Variants in RAP1GDS1 observed in about 807,000 individuals in gnomAD.
RAP1GDS1 encodes RAP1, GTP-GDP dissociation stimulator 1.
A neutral mutation model predicts 71.1 loss-of-function variants in RAP1GDS1; 35 were observed. That is an observed-to-expected ratio of 0.49 (90% CI 0.38 to 0.65). The LOEUF (loss-of-function observed/expected upper bound fraction) is 0.65. Ranked by LOEUF, RAP1GDS1 falls within the 30% of genes least tolerant of loss-of-function variation. RAP1GDS1 has a pLI of 0.00. For missense variants in RAP1GDS1, 663 were observed against 706.1 expected, an observed-to-expected ratio of 0.94 and a Z score of 0.69; for synonymous variants, 229 against 243.1, an observed-to-expected ratio of 0.94 and a Z score of 0.54.
intron 1 of RAP1GDS1, among the ~76,000 whole-genome samples, chr4:98,287,818 A>G (rs1237537575): frequency 1.3e-5 from 2 of 151,956 alleles, no homozygotes; most frequent in Admixed American, 6.6e-5. Flanking sequence ...TACATAATGT[A>G]TGTTCACAAA....
intron 1 of RAP1GDS1, among the ~76,000 whole-genome samples, chr4:98,284,503 G>T (rs76819528): frequency 6.6e-6 from 1 of 152,186 alleles, no homozygotes; most frequent in Non-Finnish European, 1.5e-5. Context: ...ACCAAACCAT[G>T]TGGTGAATAT....
intron 1 of RAP1GDS1, among the ~76,000 whole-genome samples, chr4:98,278,724 A>G (rs1724597374): frequency 6.6e-6 from 1 of 152,146 alleles, no homozygotes; most frequent in Non-Finnish European, 1.5e-5. Context: ...TAGATTCCAA[A>G]TGAAGGAAAT....
At chr4:98,404,105 A>G (rs2110153901) in intron 6 of RAP1GDS1, among the ~76,000 whole-genome samples, 1 of 152,358 alleles carries the variant, frequency 6.6e-6, no homozygotes. Context: ...TGTCAGGACC[A>G]GTGTAGAAAA....
chr4:98,387,272 C>T (rs541591419), intron 5 of RAP1GDS1, among the ~76,000 whole-genome samples: 1 of 152,252 alleles, frequency 6.6e-6, no homozygotes, highest in African/African-American at 2.4e-5. Context: ...TAAGGTAAAC[C>T]TGTTATAATC....
chr4:98,415,836 A>G (rs1312066877), intron 7 of RAP1GDS1, among the ~76,000 whole-genome samples: 1 of 152,182 alleles, frequency 6.6e-6, no homozygotes, highest in Non-Finnish European at 1.5e-5. Context: ...GCATTTAGTA[A>G]ACCACCATGT....
At position 98,354,303 on chromosome 4, in the gene RAP1GDS1, C is replaced by A. The variant is rs1737643813; in HGVS notation, c.361+1702C>A. On this transcript the variant is annotated intron_variant, in intron 4 of 14. Coordinates refer to ENST00000408927, the MANE Select transcript of RAP1GDS1 (RefSeq NM_001100427.2). ...GGTCTCGATCTCCTGACCTCATGAT[C>A]CACCCGCCTCGGCCTCCCAAAGTGC... 4.6e-5 allele frequency among the ~76,000 whole-genome samples: 7 copies of A among 151,914 alleles called. No homozygotes were observed. In the South Asian group the frequency reaches 1.5e-3, roughly 32 times the overall value.
At chr4:98,299,580 A>G (rs1043644387) in intron 2 of RAP1GDS1, among the ~76,000 whole-genome samples, 5 of 152,044 alleles carry the variant, frequency 3.3e-5, no homozygotes, top group Non-Finnish European at 5.9e-5. Flanking sequence ...AAACTTGGGC[A>G]GATGAGGAGT....
chr4:98,392,023 C>CA lies in RAP1GDS1; in HGVS notation c.584dup (p.Asn195LysfsTer14). 6.2e-7 allele frequency: 1 copy of CA among 1,612,636 alleles called. No homozygotes were observed. The highest frequency in any genetic ancestry group is 8.5e-7 in the Non-Finnish European group (1 of 1,179,110). On this transcript the variant is annotated frameshift_variant, in exon 6 of 15. Transcript: ENST00000408927. LOFTEE classifies it high-confidence loss of function. ...AGTGAAATTACTGGGCATCCACTGC[C>CA]AAAATGCAGCTCTTACAGAAATGTG... is the stretch of plus-strand genomic sequence containing the variant.
chr4:98,301,288 T>C (rs1728552774), intron 2 of RAP1GDS1, among the ~76,000 whole-genome samples: 3 of 152,130 alleles, frequency 2.0e-5, no homozygotes, highest in Admixed American at 2.0e-4. Flanking sequence ...TATGAAGTAG[T>C]GAAGATTCAG....
intron 1 of RAP1GDS1, among the ~76,000 whole-genome samples, chr4:98,274,101 C>A (rs1723869893): frequency 6.6e-6 from 1 of 152,116 alleles, no homozygotes. Context: ...GACTTTATTG[C>A]AGTATTTTCT....
intron 2 of RAP1GDS1, among the ~76,000 whole-genome samples, chr4:98,300,442 C>T (rs1423803932): frequency 6.6e-6 from 1 of 151,496 alleles, no homozygotes; most frequent in Non-Finnish European, 1.5e-5. Flanking sequence ...CACTGTCACG[C>T]AGGCTGGAGT....
intron 1 of RAP1GDS1, among the ~76,000 whole-genome samples, chr4:98,288,638 C>T (rs4557264): frequency 2.6e-5 from 4 of 152,102 alleles, no homozygotes; most frequent in Admixed American, 2.6e-4. Context: ...ACTGGTTTAC[C>T]GTCCCACCAA....
intron 2 of RAP1GDS1, among the ~76,000 whole-genome samples, chr4:98,316,625 C>G (rs1470472888): frequency 6.6e-6 from 1 of 151,994 alleles, no homozygotes; most frequent in Admixed American, 6.6e-5. Context: ...TACAATGTTA[C>G]CAGATGGCAG....
Position 98,442,153 on chromosome 4 carries a change from T to C in RAP1GDS1, c.*36T>C. 3 of 1,604,398 alleles carry C rather than the reference T, an allele frequency of 1.9e-6. No homozygotes were observed. Among genetic ancestry groups the C allele is most frequent in the Non-Finnish European group, 2.5e-6 (3 of 1,177,132 alleles). On this transcript the variant is annotated 3_prime_UTR_variant, in exon 15 of 15. Coordinates refer to ENST00000408927, the MANE Select transcript of RAP1GDS1 (RefSeq NM_001100427.2). ...ATACACGGCATCATCCCATCTCTAA[T>C]TTCCCCTCTGTCCTCCATCCAGCGG...
chr4:98,312,307 A>T (rs559208971), intron 2 of RAP1GDS1, among the ~76,000 whole-genome samples: 1 of 152,030 alleles, frequency 6.6e-6, no homozygotes, highest in East Asian at 1.9e-4. Flanking sequence ...TTATGAGGGG[A>T]TCTGTTTCAT....
rs1560937301 is a variant in RAP1GDS1 at position 98,384,980 on chromosome 4, C to T, written c.508+5817C>T. On this transcript the variant is annotated intron_variant, in intron 5 of 14. Transcript: ENST00000408927. Reference sequence around the variant, plus strand: ...AAAGGGCAAAATATGTTTGGAGTTGCTCATTCTTTAGTATGGTTTTCTCAT... The same window carrying T: ...AAAGGGCAAAATATGTTTGGAGTTGTTCATTCTTTAGTATGGTTTTCTCAT... Among the ~76,000 whole-genome samples, 3 of 151,592 alleles carry T rather than the reference C, an allele frequency of 2.0e-5. No homozygotes were observed. The South Asian group carries it at 6.2e-4, about 31-fold the overall frequency.
At chr4:98,365,295 T>G (rs1476886635) in intron 4 of RAP1GDS1, among the ~76,000 whole-genome samples, 9 of 152,070 alleles carry the variant, frequency 5.9e-5, no homozygotes, top group Non-Finnish European at 1.5e-5. Context: ...TGTATTGTTT[T>G]CTTTACACAC....
At chr4:98,366,525 T>C (rs1269848700) in intron 4 of RAP1GDS1, among the ~76,000 whole-genome samples, 2 of 151,910 alleles carry the variant, frequency 1.3e-5, no homozygotes, top group Non-Finnish European at 2.9e-5. Flanking sequence ...TGGAACTGGG[T>C]AGTAGGAAGA....
intron 12 of RAP1GDS1, among the ~76,000 whole-genome samples, chr4:98,428,386 A>G (rs527349447): frequency 8.5e-4 from 130 of 152,350 alleles, no homozygotes; most frequent in Non-Finnish European, 1.6e-3. Context: ...TTGCATGGCA[A>G]AAGGAACAGT....
Sources: allele counts gnomAD v4.1 joint callset (sites outside exome capture counted in the v4.1 genomes callset), GRCh38; gene constraint gnomAD v4.1.1; transcripts MANE v1.5; gene names NCBI Gene and HGNC (gene_info 2026-07-23, HGNC 2026-07-21).